Variants in COL13A1 observed in about 807,000 individuals in gnomAD.
The protein encoded by COL13A1 is collagen type XIII alpha 1 chain.
COL13A1 carries 89 observed loss-of-function variants against 130.9 expected under a neutral mutation model. The ratio of observed to expected loss-of-function variants is 0.68; its 90% CI spans 0.57 to 0.81. The LOEUF (loss-of-function observed/expected upper bound fraction) is 0.81, where lower values mean the gene tolerates loss of function less well. Ranked by LOEUF, COL13A1 falls within the 30% of genes least tolerant of loss-of-function variation. COL13A1 has a pLI of 0.00. For synonymous variants in COL13A1, 402 were observed against 341.6 expected (o/e 1.18, Z -1.95); for missense variants, 879 against 934.6 (o/e 0.94, Z 0.78).
intron 1 of COL13A1, among the ~76,000 whole-genome samples, chr10:69,805,177 A>C (rs1841208897): frequency 6.6e-6 from 1 of 152,168 alleles, no homozygotes; most frequent in Admixed American, 6.5e-5. Context: ...AGTTAGATCT[A>C]AATAAGAGTA....
chr10:69,924,371 A>T (rs1589551857), intron 24 of COL13A1, among the ~76,000 whole-genome samples: 1 of 151,978 alleles, frequency 6.6e-6, no homozygotes, highest in Non-Finnish European at 1.5e-5. Context: ...CACAAGTTAC[A>T]CTGCTTTTTC....
At chr10:69,875,291 C>A in intron 5 of COL13A1, 128 bp downstream of exon 5, 3 of 1,134,060 alleles carry the variant, frequency 2.6e-6, no homozygotes, top group East Asian at 2.5e-5. Flanking sequence ...TTCCCTTCCC[C>A]AAGCCCCAGT....
intron 33 of COL13A1, 123 bp from the exon 34 acceptor site, chr10:69,937,512 C>T (rs564410388): frequency 1.3e-5 from 8 of 614,836 alleles, no homozygotes; most frequent in African/African-American, 1.3e-4. Context: ...GTATCCTCAG[C>T]CTGCCACCCT....
chr10:69,892,308 C>G (rs371621185), intron 10 of COL13A1, among the ~76,000 whole-genome samples: 46 of 152,318 alleles, frequency 3.0e-4, no homozygotes, highest in African/African-American at 1.1e-3. Context: ...CCCACTGGGG[C>G]ACTGGCACTC....
intron 28 of COL13A1, among the ~76,000 whole-genome samples, chr10:69,929,246 C>T (rs554582027): frequency 6.6e-6 from 1 of 151,898 alleles, no homozygotes; most frequent in African/African-American, 2.4e-5. Flanking sequence ...TCTAGACACA[C>T]CCCTGCCCTT....
chr10:69,838,929 C>A (rs1850838288), intron 2 of COL13A1, among the ~76,000 whole-genome samples: 1 of 152,240 alleles, frequency 6.6e-6, no homozygotes, highest in Admixed American at 6.5e-5. Flanking sequence ...GCGTGTGAAG[C>A]CCCATTGAAA....
chr10:69,946,104 A>T (rs1175607975), intron 37 of COL13A1, among the ~76,000 whole-genome samples: 1 of 141,468 alleles, frequency 7.1e-6, no homozygotes, highest in Non-Finnish European at 1.6e-5. Flanking sequence ...AAAAAAAAAA[A>T]AAATCACCTA....
At chr10:69,934,474 G>A (rs1014813766) in intron 31 of COL13A1, among the ~76,000 whole-genome samples, 10 of 152,170 alleles carry the variant, frequency 6.6e-5, no homozygotes, top group African/African-American at 1.7e-4. Flanking sequence ...GCCCTCTGTC[G>A]TGGCCTGGCA....
rs148992785 is a variant in COL13A1 at position 69,873,021 on chromosome 10, T to C, written c.399+811T>C. Among the ~76,000 whole-genome samples, 413 of 152,134 alleles carry C rather than the reference T, an allele frequency of 2.7e-3. 3 individuals are homozygous for C. The highest frequency in any genetic ancestry group is 9.7e-3 in the African/African-American group (401 of 41,496). ...TAGCCTGGGGCATGGATGAGTTGAG[T>C]AGTGGGTATGTGTACCGGGTATGTG... On this transcript the variant is annotated intron_variant, in intron 4 of 40. Transcript: ENST00000645393.
In COL13A1 at chr10:69,802,356, C is replaced by G; in HGVS notation, c.-68C>G. On this transcript the variant is annotated 5_prime_UTR_variant, in exon 1 of 41. Coordinates refer to ENST00000645393, the MANE Select transcript of COL13A1 (RefSeq NM_001368882.1). ...CCCTGCCCCGCAGTTTGGATAGAGCCTTTTGGCAGCGGCTGTCGCCTTTAT... is the reference window on the plus strand; with the variant it reads ...CCCTGCCCCGCAGTTTGGATAGAGCGTTTTGGCAGCGGCTGTCGCCTTTAT... The G allele has an allele frequency of 7.2e-7, 1 of 1,383,920 alleles. No homozygotes were observed. Among genetic ancestry groups the G allele is most frequent in the Non-Finnish European group, 9.3e-7 (1 of 1,072,530 alleles). 85.7% of individuals were successfully genotyped at this position (1,383,920 alleles called of 1,614,324 possible).
At chr10:69,956,120 A>C (rs1004987669) in intron 39 of COL13A1, 1 of 152,264 alleles carries the variant, frequency 6.6e-6, no homozygotes, top group Non-Finnish European at 1.5e-5. Context: ...CTGCCAGTCT[A>C]GCAGACTTGG....
chr10:69,936,178 A>AAAGG lies in COL13A1; in HGVS notation c.1771-575_1771-572dup, dbSNP rs2066893441. 2.7e-4 allele frequency among the ~76,000 whole-genome samples: 2 copies of AAAGG among 7,316 alleles called. 1 individual carries two copies. The highest frequency in any genetic ancestry group is 0.016 in the East Asian group (2 of 124). The allele number at this position is 7,316 out of a possible 152,430, so 4.8% of individuals were successfully genotyped here. ...GAAGGAAGGAAGGAAGGAAGGAAGG[A>AAAGG]AAGGAAAGGAAGGAAGGAAGGGCGA... On this transcript the variant is annotated intron_variant, in intron 32 of 40. Transcript: ENST00000645393.
In COL13A1 at chr10:69,958,837, T is replaced by C; in HGVS notation, c.*136T>C. ...TAAAAAAGAAAGAAAAACCTGCATATTTTGTACAGAAAATATCAACCTCTT... is the reference window on the plus strand; with the variant it reads ...TAAAAAAGAAAGAAAAACCTGCATACTTTGTACAGAAAATATCAACCTCTT... On this transcript the variant is annotated 3_prime_UTR_variant, in exon 41 of 41. Transcript: ENST00000645393. 8.2e-7 allele frequency: 1 copy of C among 1,219,510 alleles called. No homozygotes were observed. Among genetic ancestry groups the C allele is most frequent in the South Asian group, 1.4e-5 (1 of 69,884 alleles). The allele number at this position is 1,219,510 out of a possible 1,614,324, so 75.5% of individuals were successfully genotyped here.
intron 33 of COL13A1, among the ~76,000 whole-genome samples, 164 bp from the exon 34 acceptor site, chr10:69,937,471 C>T (rs1476823812): frequency 5.3e-5 from 8 of 152,130 alleles, no homozygotes; most frequent in African/African-American, 9.7e-5. Flanking sequence ...CTAACTGAGG[C>T]GAGAGTAGGC....
chr10:69,804,650 C>CTT (rs57012318), intron 1 of COL13A1, among the ~76,000 whole-genome samples: 2,669 of 142,312 alleles, frequency 0.019, 36 homozygotes, highest in Admixed American at 0.034. Context: ...ATCCTGCCAC[C>CTT]TTTTTTTTTT....
chr10:69,807,144 A>G (rs961361833), intron 1 of COL13A1, among the ~76,000 whole-genome samples: 3 of 152,224 alleles, frequency 2.0e-5, no homozygotes, highest in Admixed American at 6.5e-5. Flanking sequence ...ATAACATCAG[A>G]AACTGTAATA....
intron 37 of COL13A1, among the ~76,000 whole-genome samples, chr10:69,947,023 C>T (rs974330556): frequency 1.3e-5 from 2 of 152,268 alleles, no homozygotes; most frequent in African/African-American, 2.4e-5. Flanking sequence ...CTCTGGACCT[C>T]GTGATCCGCC....
At chr10:69,834,988 G>C (rs1300555844) in intron 2 of COL13A1, among the ~76,000 whole-genome samples, 2 of 152,212 alleles carry the variant, frequency 1.3e-5, no homozygotes, top group Non-Finnish European at 2.9e-5. Flanking sequence ...ACAGAAGAGA[G>C]AGAACAGGAG....
Position 69,924,952 on chromosome 10 carries a change from T to C in COL13A1, c.1285-11T>C. 1 of 1,581,840 alleles carries C rather than the reference T, an allele frequency of 6.3e-7. No individual in the cohort carries two copies. The highest frequency in any genetic ancestry group is 1.2e-5 in the South Asian group (1 of 84,768). On this transcript the variant is annotated splice_polypyrimidine_tract_variant and intron_variant, in intron 24 of 40. Transcript: ENST00000645393. ...TTATCCCCACTTTGCTCCAATTTTG[T>C]CATGCAACAGGGGGAGCGTGGAGCA... is the stretch of plus-strand genomic sequence containing the variant.
Sources: gnomAD v4.1 joint callset for allele counts (sites outside exome capture counted in the v4.1 genomes callset) on GRCh38, gnomAD v4.1.1 for gene constraint, MANE v1.5 for transcripts, NCBI Gene and HGNC (gene_info 2026-07-23, HGNC 2026-07-21) for gene names.